BACC1: variants seen among roughly 807,000 people sequenced by gnomAD.
The protein encoded by BACC1 is BPTF-associated chromatin complex component 1.
chr17:7,017,291 C>G, the BACC1 span: 19 of 1,613,874 alleles, frequency 1.2e-5, no homozygotes, highest in Middle Eastern at 3.3e-4. Flanking sequence ...TTCTCATGAC[C>G]TCTGCTGATC....
chr17:7,015,110 G>T, the BACC1 span: 1 of 1,582,252 alleles, frequency 6.3e-7, no homozygotes. Flanking sequence ...GAAGCTCGGG[G>T]AGCTGACGAT....
At chr17:7,017,266 C>T in the BACC1 span, 2 of 1,614,102 alleles carry the variant, frequency 1.2e-6, no homozygotes, top group Non-Finnish European at 1.7e-6. Flanking sequence ...GACAGCCTGA[C>T]CCTGGATTCT....
chr17:7,015,065 G>A, the BACC1 span: 1 of 1,549,538 alleles, frequency 6.5e-7, no homozygotes, highest in Non-Finnish European at 8.6e-7. Context: ...CCCCCAGGTC[G>A]GAGAGATCTT....
At chr17:7,016,248 T>G in the BACC1 span, 1 of 547,456 alleles carries the variant, frequency 1.8e-6, no homozygotes, top group Admixed American at 3.6e-5. Context: ...AAGCTCTACC[T>G]GATGTCTCTC....
chr17:7,015,287 T>A, the BACC1 span: 1 of 1,396,758 alleles, frequency 7.2e-7, no homozygotes, highest in Non-Finnish European at 9.3e-7. Context: ...GAGTCGGTGT[T>A]AATAAATGAT....
chr17:7,017,236 C>A, the BACC1 span: 9 of 1,613,948 alleles, frequency 5.6e-6, no homozygotes, highest in African/African-American at 1.2e-4. Flanking sequence ...CCATCTCGGC[C>A]CATTTTACTT....
At chr17:7,015,755 C>T in the BACC1 span, 2 of 1,609,158 alleles carry the variant, frequency 1.2e-6, no homozygotes, top group Non-Finnish European at 1.7e-6. Flanking sequence ...TTGCTATCCC[C>T]CCTCTCCCCT....
the BACC1 span, chr17:7,015,858 C>T: frequency 7.4e-6 from 12 of 1,613,878 alleles, no homozygotes; most frequent in African/African-American, 1.2e-4. Context: ...TCAGCTGTGT[C>T]ATCAAGGAAC....
chr17:7,015,241 C>T, the BACC1 span: 1 of 1,451,274 alleles, frequency 6.9e-7, no homozygotes, highest in East Asian at 2.8e-5. Context: ...AGCACAGGGA[C>T]AGACATTAGT....
At chr17:7,015,900 A>G in the BACC1 span, 1 of 1,596,970 alleles carries the variant, frequency 6.3e-7, no homozygotes, top group Non-Finnish European at 8.6e-7. Context: ...CTGCCAGAAA[A>G]GGGCGGGTGG....
chr17:7,016,290 A>G, the BACC1 span: 4 of 582,534 alleles, frequency 6.9e-6, no homozygotes, highest in South Asian at 8.9e-5. Flanking sequence ...GGCCTTTCCC[A>G]CTACTCAGTT....
the BACC1 span, chr17:7,015,664 G>A: frequency 7.4e-7 from 1 of 1,355,370 alleles, no homozygotes. Flanking sequence ...CGTGGAAGGG[G>A]TCCCAGAAAT....
chr17:7,016,894 T>G, the BACC1 span: 1 of 1,607,574 alleles, frequency 6.2e-7, no homozygotes, highest in African/African-American at 1.3e-5. Flanking sequence ...GAACCTAGCT[T>G]ATGCCCCCTT....
At chr17:7,014,944 G>C in the BACC1 span, 1 of 1,481,994 alleles carries the variant, frequency 6.7e-7, no homozygotes, top group Non-Finnish European at 8.9e-7. This position sits in a 1 kb window ranked among gnomAD's most constrained non-coding sequence, Gnocchi z 4.5. Flanking sequence ...CACTTGGCTC[G>C]CGGCTCTTCC....
At chr17:7,015,719 C>T in the BACC1 span, 12 of 1,514,934 alleles carry the variant, frequency 7.9e-6, no homozygotes, top group Admixed American at 1.7e-5. Context: ...AGCCTGTGGG[C>T]GGGCTCCACA....
chr17:7,017,323 C>G, the BACC1 span: 29 of 1,608,502 alleles, frequency 1.8e-5, no homozygotes, highest in Middle Eastern at 1.7e-4. Flanking sequence ...TCCTGCTGAG[C>G]CTTCCACCTC....
the BACC1 span, chr17:7,015,836 A>G: frequency 1.2e-6 from 2 of 1,614,098 alleles, no homozygotes; most frequent in Non-Finnish European, 1.7e-6. Flanking sequence ...TTTGGGGACG[A>G]TCTTAATCAC....
the BACC1 span, chr17:7,017,315 C>T: frequency 8.7e-6 from 14 of 1,612,078 alleles, no homozygotes; most frequent in Non-Finnish European, 1.1e-5. Context: ...CTCTCCTCTC[C>T]TGCTGAGCCT....
chr17:7,015,876 G>T, the BACC1 span: 1 of 1,613,624 alleles, frequency 6.2e-7, no homozygotes. Context: ...AACGGACAGT[G>T]TGAGGGAGGG....
Sources: gnomAD v4.1 joint callset for allele counts on GRCh38, gnomAD v4.1.1 for gene constraint, Gnocchi (gnomAD v3.1) non-coding constraint, MANE v1.5 for transcripts, NCBI Gene and HGNC (gene_info 2026-07-23, HGNC 2026-07-21) for gene names.